The following KLK6 variants were observed in gnomAD, a reference collection of about 807,000 sequenced individuals.
The protein encoded by KLK6 is kallikrein related peptidase 6.
A neutral mutation model predicts 21.7 loss-of-function variants in KLK6; 16 were observed. The ratio of observed to expected loss-of-function variants is 0.74; its 90% CI spans 0.50 to 1.12. The LOEUF (loss-of-function observed/expected upper bound fraction) is 1.12. Among genes scored for constraint, KLK6 ranks in the 50% most tolerant of loss-of-function variants. The pLI, the probability that KLK6 is intolerant of heterozygous loss-of-function variation, is 0.00. For missense variants in KLK6, 276 were observed against 304.6 expected (o/e 0.91, Z 0.70); for synonymous variants, 116 against 120.1 (o/e 0.97, Z 0.22).
chr19:50,959,718 G>T (rs1255446834), intron 6 of KLK6, among the ~76,000 whole-genome samples: 1 of 18,674 alleles, frequency 5.4e-5, no homozygotes, highest in Non-Finnish European at 8.1e-5. Context: ...AAGGAGAGGA[G>T]GAAGAGGAGG....
intron 5 of KLK6, among the ~76,000 whole-genome samples, chr19:50,963,092 A>G (rs2090868447): frequency 1.3e-5 from 2 of 152,108 alleles, no homozygotes; most frequent in South Asian, 4.1e-4. Flanking sequence ...CCATTGGTCT[A>G]CATTTTCCAT....
intron 4 of KLK6, among the ~76,000 whole-genome samples, chr19:50,965,403 G>A (rs117876121): frequency 0.065 from 9,882 of 151,958 alleles, 429 homozygotes; most frequent in Non-Finnish European, 0.095. Context: ...TCCTGCCTTA[G>A]CCTCCCAAGT....
At chr19:50,967,954 G>T in intron 3 of KLK6, 111 bp downstream of exon 3, 1 of 664,814 alleles carries the variant, frequency 1.5e-6, no homozygotes, top group Non-Finnish European at 2.4e-6. Flanking sequence ...TCATTTCAAA[G>T]CTCCCCCACC....
rs1187315553 is a variant in KLK6 at position 50,959,311 on chromosome 19, A to G, written c.588T>C (p.Asp196=). The change falls in exon 7 of 7, where the codon GAT becomes GAC. Residue 196 remains aspartate (D), a synonymous_variant. Transcript: ENST00000310157. ...EKYGKDSCQG[D]SGGPLVCGDH... ...CTCCACATACCAGCGGACCCCCAGAATCACCCTGCAGGAAAGAGGGAGAAA... is the reference window on the plus strand; with the variant it reads ...CTCCACATACCAGCGGACCCCCAGAGTCACCCTGCAGGAAAGAGGGAGAAA... The G allele has an allele frequency of 9.3e-6, 15 of 1,612,480 alleles. No individual in the cohort carries two copies. In the African/African-American group the frequency reaches 2.0e-4, roughly 22 times the overall value.
chr19:50,967,784 C>T (rs1437801358), intron 3 of KLK6, among the ~76,000 whole-genome samples: 2 of 151,890 alleles, frequency 1.3e-5, no homozygotes, highest in African/African-American at 2.4e-5. Flanking sequence ...CCCCTATTCC[C>T]GGGCTCTCTC....
chr19:50,961,851 A>G lies in KLK6; in HGVS notation c.475T>C (p.Tyr159His). Residue 159 changes from tyrosine to histidine, a missense_variant, in exon 6 of 7, where the codon TAC (tyrosine) becomes CAC (histidine). Coordinates refer to ENST00000310157, the MANE Select transcript of KLK6 (RefSeq NM_002774.4). ...GDFPDTIQCA[Y>H]IHLVSREECE... ...TCCTCACGGGACACCAGGTGGATGTATGCACACTGGATGGTGTCAGGGAAA... is the reference window on the plus strand; with the variant it reads ...TCCTCACGGGACACCAGGTGGATGTGTGCACACTGGATGGTGTCAGGGAAA... 6.2e-7 allele frequency: 1 copy of G among 1,613,952 alleles called. No individual in the cohort carries two copies. Among genetic ancestry groups the G allele is most frequent in the Non-Finnish European group, 8.5e-7 (1 of 1,179,902 alleles).
intron 1 of KLK6, chr19:50,969,122 G>A (rs973307631): frequency 6.3e-6 from 1 of 159,720 alleles, no homozygotes; most frequent in Middle Eastern, 3.1e-3. Flanking sequence ...TGGGTCTGAG[G>A]GAGGAGGGGC....
chr19:50,966,155 G>C (rs936991248), intron 4 of KLK6, among the ~76,000 whole-genome samples: 3 of 152,114 alleles, frequency 2.0e-5, no homozygotes, highest in Admixed American at 2.0e-4. Context: ...CCAACTCATC[G>C]TGGCTAAAGC....
At position 50,968,512 on chromosome 19, in the gene KLK6, G is replaced by A. The variant is rs550679847; in HGVS notation, c.-9+29C>T. Reference sequence around the variant, plus strand: ...CAATGGCCACCCACCCCGCCCACCCGGCAGGTTCTGTGATGTCTGTGATCT... The same window carrying A: ...CAATGGCCACCCACCCCGCCCACCCAGCAGGTTCTGTGATGTCTGTGATCT... On this transcript the variant is annotated intron_variant, in intron 2 of 6. Coordinates refer to ENST00000310157, the MANE Select transcript of KLK6 (RefSeq NM_002774.4). The A allele has an allele frequency of 3.1e-4, 64 of 205,656 alleles. No homozygotes were observed. In the South Asian group the frequency reaches 4.8e-3, roughly 16 times the overall value. 12.7% of individuals were successfully genotyped at this position (205,656 alleles called of 1,614,324 possible).
intron 1 of KLK6, 23 bp downstream of exon 1, chr19:50,969,467 T>G (rs1449355604): frequency 1.3e-5 from 2 of 152,388 alleles, no homozygotes; most frequent in Non-Finnish European, 2.9e-5. Context: ...CCAGGTTCAG[T>G]GCGGTTGGGG....
intron 4 of KLK6, 65 bp from the exon 5 acceptor site, chr19:50,963,614 G>T (rs542263727): frequency 1.3e-6 from 2 of 1,583,804 alleles, no homozygotes; most frequent in Non-Finnish European, 8.6e-7. Context: ...TTCAGAGAGG[G>T]CTGGGAAGTC....
rs2090850407 is a variant in KLK6, at chr19:50,962,013, T to G, written c.446-133A>C. On this transcript the variant is annotated intron_variant, in intron 5 of 6. Coordinates refer to ENST00000310157, the MANE Select transcript of KLK6 (RefSeq NM_002774.4). ...TTTCTATTGGCACCCCTCTTCCTGT[T>G]TGTCTCTCATTCTTACATCTCATTA... 5.3e-6 allele frequency: 5 copies of G among 941,112 alleles called. No individual in the cohort carries two copies. In the South Asian group the frequency reaches 9.6e-5, roughly 18 times the overall value. 58.3% of individuals were successfully genotyped at this position (941,112 alleles called of 1,614,324 possible). A position where few individuals can be genotyped will look rare whatever the true frequency, so the allele number is the denominator to read the frequency against.
chr19:50,962,204 T>C, intron 5 of KLK6: 1 of 260,242 alleles, frequency 3.8e-6, no homozygotes, highest in South Asian at 6.1e-5. Flanking sequence ...TCCCACCTTC[T>C]TCAGTAGTTT....
chr19:50,960,774 T>G lies in KLK6; in HGVS notation c.582+970A>C, dbSNP rs150721738. ...TGCTTGCGTAATTTTTGTTTTTTGG[T>G]TTTTTTTTGAGACGGAATCTTGCTC... On this transcript the variant is annotated intron_variant, in intron 6 of 6. Coordinates refer to ENST00000310157, the MANE Select transcript of KLK6 (RefSeq NM_002774.4). Among the ~76,000 whole-genome samples the G allele has an allele frequency of 9.9e-3, 1,470 of 148,030 alleles. 13 individuals are homozygous for G. Among genetic ancestry groups the G allele is most frequent in the African/African-American group, 0.028 (1,077 of 39,008 alleles).
At chr19:50,966,155 G>A (rs936991248) in intron 4 of KLK6, among the ~76,000 whole-genome samples, 4 of 152,114 alleles carry the variant, frequency 2.6e-5, no homozygotes, top group African/African-American at 9.7e-5. Context: ...CCAACTCATC[G>A]TGGCTAAAGC....
At chr19:50,962,827 A>G (rs1161842845) in intron 5 of KLK6, 7 of 168,422 alleles carry the variant, frequency 4.2e-5, no homozygotes, top group Admixed American at 3.9e-4. Context: ...TGGACCATTG[A>G]TCCTTTCCCC....
chr19:50,961,822 A>T lies in KLK6; in HGVS notation c.504T>A (p.Cys168Ter). The T allele has an allele frequency of 6.2e-7, 1 of 1,613,962 alleles. No homozygotes were observed. The stretch of plus-strand genomic sequence containing the variant: ...TGATCTGGCCAGGGTAGGCATGCTC[A>T]CACTCCTCACGGGACACCAGGTGGA... ...AYIHLVSREECEHAYPGQITQ... is the reference protein window; with the variant it reads ...AYIHLVSREE The change falls in exon 6 of 7, where the codon TGT becomes TGA. Residue 168 changes from cysteine to a stop codon, truncating the protein, a stop_gained. Coordinates refer to ENST00000310157, the MANE Select transcript of KLK6 (RefSeq NM_002774.4). LOFTEE classifies it high-confidence loss of function.
Position 50,963,234 on chromosome 19 carries a change from T to C in KLK6, c.445+68A>G, listed in dbSNP as rs536941391. The C allele has an allele frequency of 2.8e-5, 44 of 1,561,116 alleles. No homozygotes were observed. The African/African-American group carries it at 5.0e-4, about 18-fold the overall frequency. ...CATGGCCCCTCACCAATTTTCCCAC[T>C]CCCCATCCTTTGGCACACTTCCCCA... On this transcript the variant is annotated intron_variant, in intron 5 of 6. Coordinates refer to ENST00000310157, the MANE Select transcript of KLK6 (RefSeq NM_002774.4).
At position 50,968,082 on chromosome 19, in the gene KLK6, A is replaced by C; in HGVS notation, c.23T>G (p.Leu8Arg). 6.2e-7 allele frequency: 1 copy of C among 1,613,782 alleles called. No homozygotes were observed. Among genetic ancestry groups the C allele is most frequent in the South Asian group, 1.1e-5 (1 of 91,064 alleles). Residue 8 changes from leucine (L) to arginine (R), a missense_variant, in exon 3 of 7, where the codon CTG becomes CGG. Coordinates refer to ENST00000310157, the MANE Select transcript of KLK6 (RefSeq NM_002774.4). MKKLMVV[L>R]SLIAAAWAEE... ...TTCCCCACCTGCAGCAATCAGACTC[A>C]GCACCACCATCAGCTTCTTCATGGC... is the stretch of plus-strand genomic sequence containing the variant.
Sources: gnomAD v4.1 joint callset for allele counts (sites outside exome capture counted in the v4.1 genomes callset) on GRCh38, gnomAD v4.1.1 for gene constraint, MANE v1.5 for transcripts, NCBI Gene and HGNC (gene_info 2026-07-23, HGNC 2026-07-21) for gene names.